The following KAT6A variants were observed in gnomAD, a reference collection of about 807,000 sequenced individuals.
The protein encoded by KAT6A is lysine acetyltransferase 6A.
KAT6A carries 9 observed loss-of-function variants against 198.4 expected under a neutral mutation model. The observed-to-expected ratio is 0.05, with a 90% confidence interval of 0.03 to 0.08. The LOEUF (loss-of-function observed/expected upper bound fraction) is 0.08. Ranked by LOEUF, KAT6A falls within the 10% of genes least tolerant of loss-of-function variation. The probability of loss-of-function intolerance (pLI) is 1.00; values close to 1 mark genes in which losing one functional copy is unlikely to be tolerated. For synonymous variants in KAT6A, 890 were observed against 883.0 expected, an observed-to-expected ratio of 1.01 and a Z score of -0.14; for missense variants, 2,077 against 2,509.9, an observed-to-expected ratio of 0.83 and a Z score of 3.69.
At chr8:42,002,385 A>C (rs188779543) in intron 2 of KAT6A, among the ~76,000 whole-genome samples, 32 of 152,212 alleles carry the variant, frequency 2.1e-4, no homozygotes, top group Non-Finnish European at 4.3e-4. Context: ...ACACGGCAAA[A>C]CCCCATCTCT....
At chr8:42,012,377 A>C (rs369327108) in intron 2 of KAT6A, among the ~76,000 whole-genome samples, 1 of 152,206 alleles carries the variant, frequency 6.6e-6, no homozygotes, top group African/African-American at 2.4e-5. Flanking sequence ...AAGTGTGATT[A>C]AATTAAGAAT....
chr8:42,005,542 G>A (rs1825694472), intron 2 of KAT6A, among the ~76,000 whole-genome samples: 1 of 152,198 alleles, frequency 6.6e-6, no homozygotes, highest in South Asian at 2.1e-4. Flanking sequence ...TTGGTTTCAT[G>A]CTGCAAATTT....
chr8:41,953,253 A>C (rs550437526), intron 9 of KAT6A, among the ~76,000 whole-genome samples: 1 of 152,162 alleles, frequency 6.6e-6, no homozygotes, highest in East Asian at 1.9e-4. Flanking sequence ...CTCTATTTCC[A>C]TTCCTGAATC....
chr8:41,960,176 T>C (rs529297073), intron 8 of KAT6A, among the ~76,000 whole-genome samples: 3 of 152,184 alleles, frequency 2.0e-5, no homozygotes, highest in South Asian at 4.1e-4. Context: ...AGTTGTTTAA[T>C]GGGTACAGAG....
chr8:41,958,517 T>C (rs1823036476), intron 8 of KAT6A, among the ~76,000 whole-genome samples: 1 of 152,168 alleles, frequency 6.6e-6, no homozygotes, highest in African/African-American at 2.4e-5. Context: ...CCAAAGTTTA[T>C]GGGTAAGTTT....
rs145332793 is a variant in KAT6A, at chr8:42,014,076, T to G, written c.601-26513A>C. 6.4e-4 allele frequency among the ~76,000 whole-genome samples: 98 copies of G among 152,326 alleles called. 1 individual carries two copies. In the East Asian group the frequency reaches 0.017, roughly 26 times the overall value. ...ATCTGAATTACATATGATTTGCATG[T>G]GTTTGAAATATTATTTTAATATTTT... On this transcript the variant is annotated intron_variant, in intron 2 of 16. Transcript: ENST00000265713.
rs1255353714 is a variant in KAT6A, at chr8:41,931,528, G to A, written c.*677C>T. On this transcript the variant is annotated 3_prime_UTR_variant, in exon 17 of 17. Coordinates refer to ENST00000265713, the MANE Select transcript of KAT6A (RefSeq NM_006766.5). ...AACAACAAAGATTTCAATGAAGTCC[G>A]TCTATAAAGAAACATTCTTGGGGAA... 1 of 206,648 alleles carries A rather than the reference G, an allele frequency of 4.8e-6. No individual in the cohort carries two copies. Among genetic ancestry groups the A allele is most frequent in the East Asian group, 7.3e-5 (1 of 13,644 alleles). The allele number at this position is 206,648 out of a possible 1,614,324, so 12.8% of individuals were successfully genotyped here.
At chr8:41,942,319 G>GT (rs963820267) in intron 14 of KAT6A, 28 of 230,818 alleles carry the variant, frequency 1.2e-4, no homozygotes, top group East Asian at 1.9e-4. Flanking sequence ...TTGTTGTTGG[G>GT]TTTTTTTTGT....
chr8:41,960,565 C>G (rs1823158773), intron 8 of KAT6A, among the ~76,000 whole-genome samples: 1 of 150,502 alleles, frequency 6.6e-6, no homozygotes, highest in African/African-American at 2.4e-5. Context: ...TATATTTTAC[C>G]ACAATTATTT....
chr8:41,946,481 AAT>A (rs750947289), intron 12 of KAT6A, 108 bp downstream of exon 12: 11,860 of 409,114 alleles, frequency 0.029, 377 homozygotes, highest in East Asian at 0.035. Context: ...CAAATCTTTA[AAT>A]ATATATATAT....
At chr8:41,955,852 GC>G (rs1822894075) in intron 8 of KAT6A, among the ~76,000 whole-genome samples, 2 of 152,162 alleles carry the variant, frequency 1.3e-5, no homozygotes, top group African/African-American at 4.8e-5. Context: ...GAATATGTAA[GC>G]ACACAAAGGA....
At chr8:41,949,151 A>G in intron 10 of KAT6A, 71 bp downstream of exon 10, 1 of 1,003,812 alleles carries the variant, frequency 1.0e-6, no homozygotes. Context: ...AGAAAGTTGC[A>G]CAATAGATGC....
chr8:42,051,772 G>A (rs1290571256), intron 1 of KAT6A, 129 bp downstream of exon 1: 1 of 146,298 alleles, frequency 6.8e-6, no homozygotes, highest in African/African-American at 2.5e-5. Context: ...AGCAGCGGGA[G>A]GCGGCGCAGG....
chr8:42,019,176 A>G (rs1826411150), intron 2 of KAT6A, among the ~76,000 whole-genome samples: 1 of 152,238 alleles, frequency 6.6e-6, no homozygotes, highest in African/African-American at 2.4e-5. Flanking sequence ...TTCTACAACT[A>G]AATGATATTT....
chr8:41,953,898 CATGTATAATATAT>C (rs1395711183), intron 9 of KAT6A, among the ~76,000 whole-genome samples: 5 of 152,244 alleles, frequency 3.3e-5, no homozygotes, highest in South Asian at 2.1e-4. Flanking sequence ...ACAATACATA[CATGTATAATATAT>C]ATGTATAATA....
chr8:42,017,484 G>T (rs1826331272), intron 2 of KAT6A, among the ~76,000 whole-genome samples: 1 of 152,132 alleles, frequency 6.6e-6, no homozygotes, highest in Non-Finnish European at 1.5e-5. Flanking sequence ...AAGCAGAGAG[G>T]TAGTAGTGGG....
rs1032251695 is a variant in KAT6A at position 41,931,281 on chromosome 8, G to C, written c.*924C>G. 4.6e-6 allele frequency: 1 copy of C among 219,460 alleles called. No homozygotes were observed. The highest frequency in any genetic ancestry group is 9.2e-6 in the Non-Finnish European group (1 of 109,282). The allele number at this position is 219,460 out of a possible 1,614,324, so 13.6% of individuals were successfully genotyped here. ...AAGAGGCTGGGTGGCGTGTGTGTGC[G>C]TTATGGCTGATTCACCAGGTGGTAA... On this transcript the variant is annotated 3_prime_UTR_variant, in exon 17 of 17. Coordinates refer to ENST00000265713, the MANE Select transcript of KAT6A (RefSeq NM_006766.5).
chr8:42,005,549 A>T (rs1026185425), intron 2 of KAT6A, among the ~76,000 whole-genome samples: 3 of 152,168 alleles, frequency 2.0e-5, no homozygotes, highest in Non-Finnish European at 4.4e-5. Flanking sequence ...CATGCTGCAA[A>T]TTTTTGGCAG....
intron 1 of KAT6A, among the ~76,000 whole-genome samples, chr8:42,050,631 T>C (rs1427438803): frequency 6.6e-6 from 1 of 152,096 alleles, no homozygotes; most frequent in Non-Finnish European, 1.5e-5. Context: ...CCTGGGAGAA[T>C]CATGCTTCAA....
Sources: allele counts gnomAD v4.1 joint callset (sites outside exome capture counted in the v4.1 genomes callset), GRCh38; gene constraint gnomAD v4.1.1; transcripts MANE v1.5; gene names NCBI Gene and HGNC (gene_info 2026-07-23, HGNC 2026-07-21).